TPR: variants seen among roughly 807,000 people sequenced by gnomAD.
The protein encoded by TPR is nucleoprotein TPR.
In TPR, 51 loss-of-function variants were observed where a neutral mutation model predicts 316.1. That is an observed-to-expected ratio of 0.16 (90% confidence interval 0.13 to 0.20). The LOEUF is 0.20. TPR is among the 10% of genes least tolerant of loss of function. TPR has a pLI of 1.00. For synonymous variants in TPR, 981 were observed against 914.7 expected, an observed-to-expected ratio of 1.07 and a Z score of -1.31; for missense variants, 2,272 against 2,754.8, an observed-to-expected ratio of 0.82 and a Z score of 3.92.
Position 186,312,417 on chromosome 1 carries a change from TG to T in TPR, c.*1553del, listed in dbSNP as rs1657334553. The T allele has an allele frequency of 6.6e-7, 1 of 1,514,120 alleles. No homozygotes were observed. The highest frequency in any genetic ancestry group is 1.8e-5 in the Admixed American group (1 of 54,234). 93.8% of individuals were successfully genotyped at this position (1,514,120 alleles called of 1,614,324 possible). On this transcript the variant is annotated 3_prime_UTR_variant, in exon 51 of 51. Transcript: ENST00000367478. ...AAAAAAATCCTTAAACATAAGTAGATGTAATACAGTTTCTTATACAGTAAGG... is the reference window on the plus strand; with the variant it reads ...AAAAAAATCCTTAAACATAAGTAGATTAATACAGTTTCTTATACAGTAAGG...
Position 186,323,758 on chromosome 1 carries a change from T to A in TPR, c.6225A>T (p.Arg2075Ser), listed in dbSNP as rs774701051. ...RQAPRAPQSP[R>S]RPPHPLPPRL... is the part of the protein sequence containing the mutation. ...TTGGGGGAAGTGGATGTGGTGGGCG[T>A]CTCGGTGACTGAGGTGCTCGAGGGG... The change falls in exon 43 of 51, where the codon AGA becomes AGT. Residue 2075 changes from arginine (R) to serine (S), a missense_variant. This residue lies in a region of TPR where 435 missense variants were observed against 461.1 expected (regional missense o/e 0.94). Transcript: ENST00000367478. 2 of 1,540,108 alleles carry A rather than the reference T, an allele frequency of 1.3e-6. No homozygotes were observed. The highest frequency in any genetic ancestry group is 8.7e-7 in the Non-Finnish European group (1 of 1,154,104).
chr1:186,358,467 G>C, intron 13 of TPR, 76 bp downstream of exon 13: 1 of 1,095,860 alleles, frequency 9.1e-7, no homozygotes. Flanking sequence ...TCTATCTTAG[G>C]TACCTTCAAA....
At position 186,333,366 on chromosome 1, in the gene TPR, A is replaced by C. The variant is rs778748340; in HGVS notation, c.5211T>G (p.His1737Gln). ...CACTTGTGCTTCCAAAAACTGGAAC[A>C]TGTTCCACAGGCCCTTCTGACTGCA... ...EAMQSEGPVE[H>Q]VPVFGSTSGS... is the part of the protein sequence containing the mutation. Residue 1737 changes from histidine (H) to glutamine (Q), a missense_variant, in exon 37 of 51, where the codon CAT (histidine) becomes CAG (glutamine). Around this residue, in one of 10 missense-constraint regions of TPR, gnomAD observed 435 missense variants for 461.1 expected, o/e 0.94. Transcript: ENST00000367478. 1 of 1,613,418 alleles carries C rather than the reference A, an allele frequency of 6.2e-7. No homozygotes were observed. Among genetic ancestry groups the C allele is most frequent in the African/African-American group, 1.3e-5 (1 of 74,902 alleles).
chr1:186,341,441 C>T, intron 27 of TPR, 52 bp from the exon 28 acceptor site: 1 of 1,559,744 alleles, frequency 6.4e-7, no homozygotes, highest in Non-Finnish European at 8.7e-7. Flanking sequence ...AGTTGAAAGT[C>T]TACCTGTTCC....
chr1:186,369,549 G>T (rs1299151771), intron 3 of TPR, among the ~76,000 whole-genome samples: 4 of 151,802 alleles, frequency 2.6e-5, no homozygotes, highest in Non-Finnish European at 2.9e-5. Context: ...CTAGGTCATT[G>T]TTTGTGTATA....
intron 39 of TPR, among the ~76,000 whole-genome samples, chr1:186,330,448 C>G (rs1658125344): frequency 6.6e-6 from 1 of 152,060 alleles, no homozygotes; most frequent in Non-Finnish European, 1.5e-5. Flanking sequence ...TGTAGTTCAC[C>G]TTTTGTTCAC....
chr1:186,354,441 T>C (rs1159649107), intron 17 of TPR, among the ~76,000 whole-genome samples: 1 of 152,212 alleles, frequency 6.6e-6, no homozygotes, highest in East Asian at 1.9e-4. Context: ...AATCCTCAGT[T>C]TTATTTTCTT....
chr1:186,343,519 C>T, intron 26 of TPR, 46 bp from the exon 27 acceptor site: 1 of 1,566,804 alleles, frequency 6.4e-7, no homozygotes, highest in East Asian at 2.3e-5. Context: ...TTTAAAAAGC[C>T]AACATTACAA....
intron 39 of TPR, among the ~76,000 whole-genome samples, chr1:186,329,726 A>G (rs1170674827): frequency 6.6e-6 from 1 of 152,194 alleles, no homozygotes; most frequent in Admixed American, 6.6e-5. Flanking sequence ...GTTTTCAGTC[A>G]AAGAAAGCTG....
At chr1:186,339,312 TAG>T (rs1011090134) in intron 30 of TPR, among the ~76,000 whole-genome samples, 10 of 151,894 alleles carry the variant, frequency 6.6e-5, no homozygotes, top group African/African-American at 2.4e-4. Flanking sequence ...ACTTCCCTTA[TAG>T]AGTCACAAAT....
At chr1:186,319,916 T>C (rs1657727725) in intron 46 of TPR, among the ~76,000 whole-genome samples, 1 of 152,212 alleles carries the variant, frequency 6.6e-6, no homozygotes, top group Non-Finnish European at 1.5e-5. Context: ...ACTAGCCTTA[T>C]ACATTTAATT....
Position 186,347,443 on chromosome 1 carries a change from T to C in TPR, c.2792A>G (p.Lys931Arg), listed in dbSNP as rs775169688. ...QRTGKGQPSNKEDVDDLVSQL... is the reference protein window; with the variant it reads ...QRTGKGQPSNREDVDDLVSQL... ...ACTCACAAGATCATCCACATCTTCTTTGTTGCTAGGCTGACCTAAAAGACA... is the reference window on the plus strand; with the variant it reads ...ACTCACAAGATCATCCACATCTTCTCTGTTGCTAGGCTGACCTAAAAGACA... Residue 931 changes from lysine to arginine, a missense_variant, in exon 22 of 51, where the codon AAA becomes AGA. This residue lies in a region of TPR where 757 missense variants were observed against 859.8 expected (regional missense o/e 0.88). Coordinates refer to ENST00000367478, the MANE Select transcript of TPR (RefSeq NM_003292.3). 5.6e-6 allele frequency: 9 copies of C among 1,613,946 alleles called. No homozygotes were observed. The South Asian group carries it at 9.9e-5, about 18-fold the overall frequency.
At chr1:186,354,960 T>G (rs1015285943) in intron 17 of TPR, among the ~76,000 whole-genome samples, 4 of 152,330 alleles carry the variant, frequency 2.6e-5, no homozygotes, top group Middle Eastern at 3.4e-3. Flanking sequence ...TGGAGTGCAG[T>G]GGCCCCAATC....
Position 186,312,766 on chromosome 1 carries a change from C to T in TPR, c.*1205G>A, listed in dbSNP as rs377031640. 1 of 1,612,494 alleles carries T rather than the reference C, an allele frequency of 6.2e-7. No individual in the cohort carries two copies. The highest frequency in any genetic ancestry group is 1.3e-5 in the African/African-American group (1 of 74,872). ...TATCTTTTATTAAACATGCCACTTA[C>T]AGGTGTCCTTCATAATGAAGTTAAA... On this transcript the variant is annotated 3_prime_UTR_variant, in exon 51 of 51. Transcript: ENST00000367478.
chr1:186,365,547 C>T (rs1178882426), intron 4 of TPR, among the ~76,000 whole-genome samples: 2 of 152,124 alleles, frequency 1.3e-5, no homozygotes, highest in Non-Finnish European at 2.9e-5. Flanking sequence ...AGGACCTTTA[C>T]GGCTCAATAG....
intron 1 of TPR, among the ~76,000 whole-genome samples, chr1:186,373,718 T>G (rs1008703281): frequency 7.2e-5 from 11 of 152,212 alleles, no homozygotes; most frequent in Non-Finnish European, 1.6e-4. Flanking sequence ...AATCAATGTC[T>G]TCAAGGCAGG....
intron 11 of TPR, 120 bp downstream of exon 11, chr1:186,360,153 G>A (rs1466156023): frequency 4.5e-6 from 6 of 1,334,406 alleles, no homozygotes; most frequent in Non-Finnish European, 6.2e-6. Context: ...GCCTTTCCTA[G>A]AATGATCCAC....
intron 18 of TPR, 106 bp from the exon 19 acceptor site, chr1:186,352,216 C>A: frequency 9.8e-7 from 1 of 1,023,336 alleles, no homozygotes. Context: ...TTTTTTAATG[C>A]TCTTAGGGAC....
intron 43 of TPR, 96 bp from the exon 44 acceptor site, chr1:186,322,682 CAAAA>C: frequency 1.6e-6 from 2 of 1,245,010 alleles, no homozygotes; most frequent in Non-Finnish European, 2.3e-6. Flanking sequence ...ACGCTGCCAA[CAAAA>C]TAGTTAGCAG....
Sources: allele counts gnomAD v4.1 joint callset (sites outside exome capture counted in the v4.1 genomes callset), GRCh38; gene constraint gnomAD v4.1.1; regional missense constraint gnomAD v4.1.1; transcripts MANE v1.5; gene names NCBI Gene and HGNC (gene_info 2026-07-23, HGNC 2026-07-21).